KAZN: variants seen among roughly 807,000 people sequenced by gnomAD.
The protein encoded by KAZN is kazrin, periplakin interacting protein.
Under a neutral mutation model 87.4 loss-of-function variants are expected in KAZN, and 40 were observed. That is an observed-to-expected ratio of 0.46 (90% CI 0.36 to 0.60). The LOEUF (loss-of-function observed/expected upper bound fraction) is 0.60. Ranked by LOEUF, KAZN falls within the 20% of genes least tolerant of loss-of-function variation. The pLI, the probability that KAZN is intolerant of heterozygous loss-of-function variation, is 0.00. For synonymous variants in KAZN, 466 were observed against 458.3 expected (o/e 1.02, Z -0.22); for missense variants, 898 against 1,073.9 (o/e 0.84, Z 2.29).
At chr1:14,701,175 G>T (rs188238616) in intron 1 of KAZN, among the ~76,000 whole-genome samples, 1 of 152,246 alleles carries the variant, frequency 6.6e-6, no homozygotes, top group Admixed American at 6.5e-5. Context: ...GCAGTGCAAT[G>T]GCATGCTCAC....
At chr1:14,474,897 A>G (rs1044818375) in intron 2 of KAZN, among the ~76,000 whole-genome samples, 3 of 152,134 alleles carry the variant, frequency 2.0e-5, no homozygotes, top group Non-Finnish European at 4.4e-5. Context: ...AGAATGGAAG[A>G]ATGCATTGGT....
chr1:14,376,101 A>G (rs1302520085), intron 2 of KAZN, among the ~76,000 whole-genome samples: 1 of 152,120 alleles, frequency 6.6e-6, no homozygotes, highest in African/African-American at 2.4e-5. Context: ...TGGACCCAGC[A>G]CCTGAACACA....
intron 2 of KAZN, among the ~76,000 whole-genome samples, chr1:14,972,124 C>T (rs540651176): frequency 2.6e-5 from 4 of 152,338 alleles, no homozygotes; most frequent in African/African-American, 7.2e-5. Flanking sequence ...GTGCGTCAAG[C>T]CAGGCTCTCC....
At chr1:14,683,377 G>A (rs1174193975) in intron 1 of KAZN, among the ~76,000 whole-genome samples, 1 of 152,188 alleles carries the variant, frequency 6.6e-6, no homozygotes, top group African/African-American at 2.4e-5. Context: ...CAGAGATGAA[G>A]TGCAAAGATA....
chr1:15,002,801 C>A (rs548638181), intron 2 of KAZN, among the ~76,000 whole-genome samples: 18 of 151,898 alleles, frequency 1.2e-4, no homozygotes, highest in African/African-American at 3.9e-4. Context: ...AATGGTGAAA[C>A]CCCGTCTCTA....
intron 1 of KAZN, among the ~76,000 whole-genome samples, chr1:14,077,123 T>G (rs1324307727): frequency 1.3e-5 from 2 of 152,094 alleles, no homozygotes; most frequent in South Asian, 4.2e-4. Flanking sequence ...GCCAGGAAGG[T>G]TCTCAGTTTC....
chr1:14,161,954 C>T (rs1645719584), intron 1 of KAZN, among the ~76,000 whole-genome samples: 1 of 152,200 alleles, frequency 6.6e-6, no homozygotes, highest in Non-Finnish European at 1.5e-5. Flanking sequence ...AGTGGTGCAA[C>T]AAGCATAACT....
chr1:15,042,057 A>G (rs10927653), intron 3 of KAZN, among the ~76,000 whole-genome samples: 27,513 of 152,134 alleles, frequency 0.18, 2,610 homozygotes, highest in Admixed American at 0.22. Flanking sequence ...TGACCCCAAG[A>G]AGGTGGGAGT....
Position 14,451,389 on chromosome 1 carries a change from G to A in KAZN, c.250-147594G>A, listed in dbSNP as rs141929702. Among the ~76,000 whole-genome samples, 1,047 of 152,174 alleles carry A rather than the reference G, an allele frequency of 6.9e-3. 7 individuals carry two copies. The highest frequency in any genetic ancestry group is 0.015 in the Admixed American group (223 of 15,282). ...GTAGACTTAGATTGCTTATCTAAGCGCCCAGCTCAGGGCTTACTTTCTGTG... is the reference window on the plus strand; with the variant it reads ...GTAGACTTAGATTGCTTATCTAAGCACCCAGCTCAGGGCTTACTTTCTGTG... On this transcript the variant is annotated intron_variant, in intron 2 of 16. Coordinates refer to the KAZN transcript ENST00000636203.
At chr1:14,514,595 TTATA>T (rs754845099) in intron 2 of KAZN, among the ~76,000 whole-genome samples, 668 of 66,444 alleles carry the variant, frequency 0.01, 11 homozygotes, top group Admixed American at 0.018. Flanking sequence ...TTTTTATATT[TTATA>T]TATATATATA....
intron 2 of KAZN, among the ~76,000 whole-genome samples, chr1:14,493,066 A>G (rs1669762158): frequency 6.6e-6 from 1 of 151,988 alleles, no homozygotes; most frequent in Non-Finnish European, 1.5e-5. Context: ...GCCTGTTGGA[A>G]TGTCACTTCA....
At chr1:14,354,796 G>A (rs1658875536) in intron 2 of KAZN, among the ~76,000 whole-genome samples, 1 of 151,996 alleles carries the variant, frequency 6.6e-6, no homozygotes, top group Non-Finnish European at 1.5e-5. Flanking sequence ...AAACTAGCAT[G>A]TTCTTAAAAT....
intron 2 of KAZN, among the ~76,000 whole-genome samples, chr1:14,205,141 G>A (rs576678843): frequency 1.3e-5 from 2 of 152,288 alleles, no homozygotes; most frequent in Admixed American, 6.5e-5. Context: ...CCATGACTGA[G>A]CAGCCATCAC....
chr1:13,952,334 G>GATAATAATA (rs35005409), intron 1 of KAZN, among the ~76,000 whole-genome samples: 12 of 143,078 alleles, frequency 8.4e-5, no homozygotes, highest in South Asian at 7.0e-4. Context: ...ATAAAATGGA[G>GATAATAATA]ATAATAATAA....
chr1:14,594,087 G>A (rs747127654), upstream of KAZN, among the ~76,000 whole-genome samples: 68 of 152,278 alleles, frequency 4.5e-4, no homozygotes, highest in South Asian at 8.3e-4. Flanking sequence ...ACCAAATAGC[G>A]TCATTCAATC....
chr1:14,518,578 C>T (rs952893783), intron 2 of KAZN, among the ~76,000 whole-genome samples: 5 of 152,172 alleles, frequency 3.3e-5, no homozygotes, highest in South Asian at 2.1e-4. Context: ...GATCTGCTCT[C>T]GTCGCTTCAT....
intron 1 of KAZN, among the ~76,000 whole-genome samples, chr1:14,751,507 G>A (rs34941082): frequency 0.022 from 3,382 of 152,246 alleles, 45 homozygotes; most frequent in Non-Finnish European, 0.034. Flanking sequence ...GACAAGGTAG[G>A]CACTATGACT....
rs558445044 is a variant in KAZN at position 15,070,133 on chromosome 1, C to T, written c.1222+4380C>T. ...AGAGTTTGTGCCCTGAACCACTCCA[C>T]CGTCTGAGCAGTGAGGGGCTGCCGC... is the stretch of plus-strand genomic sequence containing the variant. On this transcript the variant is annotated intron_variant, in intron 8 of 14. Transcript: ENST00000376030. Among the ~76,000 whole-genome samples, 4 of 152,348 alleles carry T rather than the reference C, an allele frequency of 2.6e-5. No homozygotes were observed. The East Asian group carries it at 7.7e-4, about 29-fold the overall frequency.
At chr1:14,612,848 C>T (rs911353574) in intron 1 of KAZN, among the ~76,000 whole-genome samples, 16 of 152,304 alleles carry the variant, frequency 1.1e-4, no homozygotes, top group Middle Eastern at 3.4e-3. Context: ...GACTAACATA[C>T]TGTGCCTGGC....
Sources: allele counts gnomAD v4.1 joint callset (sites outside exome capture counted in the v4.1 genomes callset), GRCh38; gene constraint gnomAD v4.1.1; transcripts MANE v1.5; gene names NCBI Gene and HGNC (gene_info 2026-07-23, HGNC 2026-07-21).